The following EMP2 variants were observed in gnomAD, a reference collection of about 807,000 sequenced individuals.
EMP2 encodes the protein epithelial membrane protein 2.
Under a neutral mutation model 13.7 loss-of-function variants are expected in EMP2, and 19 were observed. The observed-to-expected ratio is 1.38, with a 90% CI of 0.97 to 2.03. EMP2 has a LOEUF of 2.03. Among genes scored for constraint, EMP2 ranks in the 30% most tolerant of loss-of-function variants. The pLI, the probability that EMP2 is intolerant of heterozygous loss-of-function variation, is 0.00. For missense variants in EMP2, 253 were observed against 220.7 expected (o/e 1.15, Z -0.93); for synonymous variants, 97 against 84.7 (o/e 1.15, Z -0.80).
intron 1 of EMP2, among the ~76,000 whole-genome samples, chr16:10,554,035 C>CTTTT (rs34514394): frequency 7.2e-6 from 1 of 138,132 alleles, no homozygotes; most frequent in Non-Finnish European, 1.6e-5. Context: ...TTCTTTCTTT[C>CTTTT]TTTTTTTTTT....
At chr16:10,551,487 A>G (rs575898282) in intron 1 of EMP2, among the ~76,000 whole-genome samples, 2 of 152,218 alleles carry the variant, frequency 1.3e-5, no homozygotes, top group East Asian at 3.9e-4. Context: ...GCTCACTGCA[A>G]CCTCTGCCTC....
intron 1 of EMP2, among the ~76,000 whole-genome samples, chr16:10,569,733 G>A (rs958875378): frequency 3.9e-5 from 6 of 152,142 alleles, no homozygotes; most frequent in African/African-American, 1.4e-4. Flanking sequence ...CTTTAACATC[G>A]CCTGTATGCT....
In EMP2 at chr16:10,537,924, T is replaced by A. The variant is rs966994232; in HGVS notation, c.316+4A>T. ...TTGTTAGGGAAGCCCGTTGATGTAC[T>A]TACATGACATTAGCTGGATGATGGA... On this transcript the variant is annotated splice_donor_region_variant and intron_variant, in intron 4 of 4. Coordinates refer to ENST00000359543, the MANE Select transcript of EMP2 (RefSeq NM_001424.6). The A allele has an allele frequency of 6.2e-7, 1 of 1,613,988 alleles. No individual in the cohort carries two copies. Among genetic ancestry groups the A allele is most frequent in the Non-Finnish European group, 8.5e-7 (1 of 1,179,934 alleles).
At chr16:10,563,592 C>T (rs948150488) in intron 1 of EMP2, among the ~76,000 whole-genome samples, 1 of 152,132 alleles carries the variant, frequency 6.6e-6, no homozygotes, top group East Asian at 1.9e-4. Context: ...CTCAGCCAGG[C>T]CCAAGGAGTC....
Position 10,533,041 on chromosome 16 carries a change from A to G in EMP2, c.368T>C (p.Ile123Thr). 1 of 1,611,138 alleles carries G rather than the reference A, an allele frequency of 6.2e-7. No homozygotes were observed. The highest frequency in any genetic ancestry group is 8.5e-7 in the Non-Finnish European group (1 of 1,178,652). The change falls in exon 5 of 5, where the codon ATT becomes ACT. Residue 123 changes from isoleucine to threonine, a missense_variant. Coordinates refer to ENST00000359543, the MANE Select transcript of EMP2 (RefSeq NM_001424.6). ...ATAGAATTTCGCGTTTTTGTCGTGA[A>G]TGTCTTCACGCCTGTCTGTATAAAT... is the stretch of plus-strand genomic sequence containing the variant. ...ASIYTDRRED[I>T]HDKNAKFYPV...
chr16:10,577,821 G>A (rs12325614), intron 1 of EMP2, among the ~76,000 whole-genome samples: 38,192 of 151,384 alleles, frequency 0.25, 5,615 homozygotes, highest in Non-Finnish European at 0.33. Context: ...GGTAAGTAAC[G>A]TCACCGCCTC....
Position 10,531,644 on chromosome 16 carries a change from A to G in EMP2, c.*1261T>C, listed in dbSNP as rs2050603638. 1 of 152,356 alleles carries G rather than the reference A, an allele frequency of 6.6e-6. No homozygotes were observed. The highest frequency in any genetic ancestry group is 6.5e-5 in the Admixed American group (1 of 15,274). 9.4% of individuals were successfully genotyped at this position (152,356 alleles called of 1,614,324 possible). On this transcript the variant is annotated 3_prime_UTR_variant, in exon 5 of 5. Coordinates refer to ENST00000359543, the MANE Select transcript of EMP2 (RefSeq NM_001424.6). ...TGTACCCAGCCAGTTTTTCTAATTA[A>G]GTTTTAATCTGTCTCCTCCACTAGG...
At chr16:10,560,825 C>A (rs1381844388) in intron 1 of EMP2, among the ~76,000 whole-genome samples, 1 of 152,118 alleles carries the variant, frequency 6.6e-6, no homozygotes. Context: ...GAGTGGCACA[C>A]TTAGGAGAGC....
chr16:10,566,342 C>A (rs918335667), intron 1 of EMP2, among the ~76,000 whole-genome samples: 3 of 152,138 alleles, frequency 2.0e-5, no homozygotes. Context: ...ACAAATACCC[C>A]CTGCCCCTAA....
At chr16:10,544,920 C>T (rs1330391212) in intron 2 of EMP2, 4 of 152,118 alleles carry the variant, frequency 2.6e-5, no homozygotes, top group African/African-American at 9.7e-5. Flanking sequence ...GATGGGATGA[C>T]CAGACAAGAT....
chr16:10,541,958 C>T (rs981413797), intron 3 of EMP2, among the ~76,000 whole-genome samples: 10 of 152,144 alleles, frequency 6.6e-5, no homozygotes, highest in African/African-American at 2.4e-4. Flanking sequence ...ATTTTTGCTG[C>T]TTTTATGATG....
chr16:10,565,250 C>T (rs1187623392), intron 1 of EMP2, among the ~76,000 whole-genome samples: 2 of 152,182 alleles, frequency 1.3e-5, no homozygotes, highest in African/African-American at 2.4e-5. Flanking sequence ...TCACTTAATG[C>T]GTCAACTTGT....
rs927905748 is a variant in EMP2 at position 10,530,214 on chromosome 16, T to A, written c.*2691A>T. On this transcript the variant is annotated 3_prime_UTR_variant, in exon 5 of 5. Transcript: ENST00000359543. ...CCTATCTCATAGACTCCAAACTTCA[T>A]GATGGCAGGGAGGATATCTGGATTT... is the stretch of plus-strand genomic sequence containing the variant. 1.3e-5 allele frequency: 2 copies of A among 152,272 alleles called. No homozygotes were observed. Among genetic ancestry groups the A allele is most frequent in the African/African-American group, 4.8e-5 (2 of 41,452 alleles). The allele number at this position is 152,272 out of a possible 1,614,324, so 9.4% of individuals were successfully genotyped here. A position where few individuals can be genotyped will look rare whatever the true frequency, so the allele number is the denominator to read the frequency against.
At chr16:10,538,474 G>C (rs1044014461) in intron 3 of EMP2, among the ~76,000 whole-genome samples, 1 of 152,194 alleles carries the variant, frequency 6.6e-6, no homozygotes, top group Non-Finnish European at 1.5e-5. Flanking sequence ...ATTTTAGAGA[G>C]GGATTCCCAT....
rs1461204418 is a variant in EMP2 at position 10,554,361 on chromosome 16, G to A, written c.-60-6684C>T. ...ACTGGATCAACTCTTAAGCATTTAT[G>A]TGAGTGGGTGGAGAAGCCTTGATGT... is the stretch of plus-strand genomic sequence containing the variant. On this transcript the variant is annotated intron_variant, in intron 1 of 4. Transcript: ENST00000359543. Among the ~76,000 whole-genome samples, 3 of 152,254 alleles carry A rather than the reference G, an allele frequency of 2.0e-5. No individual in the cohort carries two copies. In the South Asian group the frequency reaches 6.2e-4, roughly 32 times the overall value.
intron 1 of EMP2, among the ~76,000 whole-genome samples, chr16:10,556,259 C>G (rs1489533229): frequency 6.6e-6 from 1 of 152,008 alleles, no homozygotes; most frequent in Non-Finnish European, 1.5e-5. Context: ...ATCTATTTTC[C>G]ATATTGCTTC....
At chr16:10,543,455 C>A (rs940312098) in intron 3 of EMP2, 115 bp downstream of exon 3, 6 of 1,195,990 alleles carry the variant, frequency 5.0e-6, no homozygotes, top group Non-Finnish European at 4.9e-6. Flanking sequence ...CCAGGCCCAC[C>A]GGAGTATGCA....
chr16:10,568,780 CT>C (rs58406598), intron 1 of EMP2, among the ~76,000 whole-genome samples: 558 of 85,216 alleles, frequency 6.5e-3, no homozygotes, highest in Non-Finnish European at 9.5e-3. Flanking sequence ...CTAGGATTTT[CT>C]TTTTTTTTTT....
At position 10,533,390 on chromosome 16, in the gene EMP2, A is replaced by G. The variant is rs140072996; in HGVS notation, c.317-298T>C. 3.1e-3 allele frequency among the ~76,000 whole-genome samples: 471 copies of G among 152,286 alleles called. 1 individual carries two copies. Among genetic ancestry groups the G allele is most frequent in the African/African-American group, 0.011 (451 of 41,558 alleles). ...ATTTTAGTCTATTGGAAAAATTACAACTGATATTTTGTGGAAGGATATTGT... is the reference window on the plus strand; with the variant it reads ...ATTTTAGTCTATTGGAAAAATTACAGCTGATATTTTGTGGAAGGATATTGT... On this transcript the variant is annotated intron_variant, in intron 4 of 4. Coordinates refer to ENST00000359543, the MANE Select transcript of EMP2 (RefSeq NM_001424.6).
Sources: gnomAD v4.1 joint callset for allele counts (sites outside exome capture counted in the v4.1 genomes callset) on GRCh38, gnomAD v4.1.1 for gene constraint, MANE v1.5 for transcripts, NCBI Gene and HGNC (gene_info 2026-07-23, HGNC 2026-07-21) for gene names.